ERCC2: variants seen among roughly 807,000 people sequenced by gnomAD.
ERCC2 encodes the protein general transcription and DNA repair factor IIH helicase subunit XPD.
A neutral mutation model predicts 99.4 loss-of-function variants in ERCC2; 90 were observed. The ratio of observed to expected loss-of-function variants is 0.91; its 90% CI spans 0.76 to 1.08. ERCC2 has a LOEUF of 1.08. Among genes scored for constraint, ERCC2 ranks in the 50% least tolerant of loss-of-function variants. The pLI, the probability that ERCC2 is intolerant of heterozygous loss-of-function variation, is 0.00. For synonymous variants in ERCC2, 497 were observed against 432.4 expected (o/e 1.15, Z -1.85); for missense variants, 993 against 1,038.1 (o/e 0.96, Z 0.60).
At position 45,352,873 on chromosome 19, in the gene ERCC2, G is replaced by A. The variant is rs2123226351; in HGVS notation, c.1832-57C>T. 2.6e-5 allele frequency: 40 copies of A among 1,534,010 alleles called. No homozygotes were observed. In the South Asian group the frequency reaches 4.3e-4, roughly 16 times the overall value. On this transcript the variant is annotated intron_variant, in intron 19 of 22. Coordinates refer to ENST00000391945, the MANE Select transcript of ERCC2 (RefSeq NM_000400.4). ...TTACAAGTGTGGCTGGTGGGACAGG[G>A]ACAGCCTCACGCGACCCAGGATGCT...
At position 45,351,511 on chromosome 19, in the gene ERCC2, T is replaced by C; in HGVS notation, c.*118A>G. On this transcript the variant is annotated 3_prime_UTR_variant, in exon 23 of 23. Transcript: ENST00000391945. ...CTCCTGCGATTAAAGGCTGTGGACG[T>C]GACAGTGAGAAATGTCACCTGACTT... 1 of 1,590,694 alleles carries C rather than the reference T, an allele frequency of 6.3e-7. No homozygotes were observed. The highest frequency in any genetic ancestry group is 8.5e-7 in the Non-Finnish European group (1 of 1,172,474).
At position 45,350,711 on chromosome 19, in the gene ERCC2, C is replaced by T. The variant is rs759624982; in HGVS notation, c.*918G>A. On this transcript the variant is annotated 3_prime_UTR_variant, in exon 23 of 23. Transcript: ENST00000391945. ...AGGCGAGGAAGTGAGAAGCTGGTCT[C>T]CCGGCTCCGAGGCGAGGCGGCGGCA... 6.2e-7 allele frequency: 1 copy of T among 1,613,382 alleles called. No homozygotes were observed. Among genetic ancestry groups the T allele is most frequent in the African/African-American group, 1.3e-5 (1 of 74,888 alleles).
Position 45,368,983 on chromosome 19 carries a change from GC to G in ERCC2, c.192del (p.Leu65TrpfsTer3). 2 of 1,614,202 alleles carry G rather than the reference GC, an allele frequency of 1.2e-6. No homozygotes were observed. The highest frequency in any genetic ancestry group is 1.7e-6 in the Non-Finnish European group (2 of 1,180,040). On this transcript the variant is annotated frameshift_variant, in exon 4 of 23. Transcript: ENST00000391945. LOFTEE classifies it high-confidence loss of function. ...CAGTAGATGAGTTTGGTCACCTCCA[GC>G]GGATATGCCTGCCGATAACAAGCGG... ...ALIMAYQRAY[P>X]LEVTKLIYCS...
In ERCC2 at chr19:45,352,580, G is replaced by C. The variant is rs121913021; in HGVS notation, c.1972C>G (p.Arg658Gly). 3 of 1,614,044 alleles carry C rather than the reference G, an allele frequency of 1.9e-6. No individual in the cohort carries two copies. The highest frequency in any genetic ancestry group is 2.5e-6 in the Non-Finnish European group (3 of 1,180,018). ...ENDFLTFDAM[R>G]HAAQCVGRAI... ...CGACCCACACACTGGGCCGCGTGGC[G>C]CATGGCATCGAAGGTAAGAAAGTCA... is the stretch of plus-strand genomic sequence containing the variant. The change falls in exon 21 of 23, where the codon CGC (arginine) becomes GGC (glycine). Residue 658 changes from arginine (R) to glycine (G), a missense_variant. Transcript: ENST00000391945.
rs747646421 is a variant in ERCC2 at position 45,352,573 on chromosome 19, G to A, written c.1979C>T (p.Ala660Val). ...GATGGCCCGACCCACACACTGGGCC[G>A]CGTGGCGCATGGCATCGAAGGTAAG... ...DFLTFDAMRH[A>V]AQCVGRAIRG... Residue 660 changes from alanine to valine, a missense_variant, in exon 21 of 23, where the codon GCG (alanine) becomes GTG (valine). Physicochemically the swap from Ala to Val is moderately conservative, Grantham distance 64 (BLOSUM62 0). Coordinates refer to ENST00000391945, the MANE Select transcript of ERCC2 (RefSeq NM_000400.4). 6.2e-7 allele frequency: 1 copy of A among 1,614,070 alleles called. No individual in the cohort carries two copies. Among genetic ancestry groups the A allele is most frequent in the Non-Finnish European group, 8.5e-7 (1 of 1,180,022 alleles).
rs767265421 is a variant in ERCC2, at chr19:45,354,718, G to A, written c.1665+12C>T. On this transcript the variant is annotated intron_variant, in intron 17 of 22. Transcript: ENST00000391945. ...AGGAGAGCAGGTGCAGGGAGGGGGT[G>A]GCCAGGCGTACCTGCTCATACCAGG... 3.1e-6 allele frequency: 5 copies of A among 1,613,536 alleles called. No homozygotes were observed. Among genetic ancestry groups the A allele is most frequent in the Non-Finnish European group, 3.4e-6 (4 of 1,179,784 alleles).
chr19:45,363,200 C>CA (rs1428306948), intron 11 of ERCC2, among the ~76,000 whole-genome samples: 1 of 152,164 alleles, frequency 6.6e-6, no homozygotes, highest in Non-Finnish European at 1.5e-5. Flanking sequence ...CTGACTCCCC[C>CA]AAAATGCGCC....
chr19:45,361,216 G>A (rs1250377375), intron 12 of ERCC2, among the ~76,000 whole-genome samples: 11 of 151,500 alleles, frequency 7.3e-5, no homozygotes. Context: ...GGAGCACAAA[G>A]ATCAACTCAT....
At chr19:45,368,402 T>C (rs758029920) in intron 5 of ERCC2, among the ~76,000 whole-genome samples, 3 of 152,166 alleles carry the variant, frequency 2.0e-5, no homozygotes, top group Non-Finnish European at 4.4e-5. Flanking sequence ...CTCTAAGAGC[T>C]GCCTTTTTAA....
chr19:45,363,686 G>C (rs998693482), intron 11 of ERCC2, 57 bp downstream of exon 11: 8 of 1,500,264 alleles, frequency 5.3e-6, no homozygotes, highest in Non-Finnish European at 6.2e-6. Flanking sequence ...GGAGGACACG[G>C]CTCTGCATAA....
In ERCC2 at chr19:45,350,493, G is replaced by A. The variant is rs780348684; in HGVS notation, c.*1136C>T. The A allele has an allele frequency of 5.0e-6, 8 of 1,613,306 alleles. No individual in the cohort carries two copies. In the South Asian group the frequency reaches 8.8e-5, roughly 18 times the overall value. On this transcript the variant is annotated 3_prime_UTR_variant, in exon 23 of 23. Transcript: ENST00000391945. ...GGCTTCTCTATGTCCCCATCTCAGT[G>A]TCCCCCATCTTTCCCCCTAGGTGCC...
In ERCC2 at chr19:45,353,235, C is replaced by T. The variant is rs1459234418; in HGVS notation, c.1758+7G>A. On this transcript the variant is annotated splice_region_variant and intron_variant, in intron 18 of 22. Coordinates refer to ENST00000391945, the MANE Select transcript of ERCC2 (RefSeq NM_000400.4). ...GACCCCTCTCCACGCTGGCCTCGCA[C>T]ACCCACCTCCTGGTACTTCTCCAGG... 5 of 1,613,638 alleles carry T rather than the reference C, an allele frequency of 3.1e-6. No homozygotes were observed. Among genetic ancestry groups the T allele is most frequent in the Non-Finnish European group, 4.2e-6 (5 of 1,179,698 alleles).
rs199886532 is a variant in ERCC2, at chr19:45,355,801, GTGC to G, written c.1480-76_1480-74del. ...CAGCGTGAGTGCTGACCACCTGCTGGTGCTGTTCTAAGCTTTTTTTTTTTTTTT... is the reference window on the plus strand; with the variant it reads ...CAGCGTGAGTGCTGACCACCTGCTGGTGTTCTAAGCTTTTTTTTTTTTTTT... On this transcript the variant is annotated intron_variant, in intron 15 of 22. Transcript: ENST00000391945. 1.3e-3 allele frequency: 1,491 copies of G among 1,159,932 alleles called. 11 individuals carry two copies. The African/African-American group carries it at 0.018, about 14-fold the overall frequency. 71.9% of individuals were successfully genotyped at this position (1,159,932 alleles called of 1,614,324 possible). A position where few individuals can be genotyped will look rare whatever the true frequency, so the allele number is the denominator to read the frequency against.
chr19:45,370,290 C>A, intron 1 of ERCC2, 58 bp from the exon 2 acceptor site: 1 of 1,595,534 alleles, frequency 6.3e-7, no homozygotes. Context: ...CCCGCCTCCA[C>A]AGTGCCCGGT....
chr19:45,370,098 G>A (rs762335024), intron 2 of ERCC2, 35 bp downstream of exon 2: 1 of 1,608,748 alleles, frequency 6.2e-7, no homozygotes, highest in Non-Finnish European at 8.5e-7. Context: ...AGCCCCACCG[G>A]TCGAGTGGGC....
Position 45,355,704 on chromosome 19 carries a change from C to T in ERCC2, c.1504G>A (p.Val502Met). 1 of 1,614,196 alleles carries T rather than the reference C, an allele frequency of 6.2e-7. No individual in the cohort carries two copies. Among genetic ancestry groups the T allele is most frequent in the Admixed American group, 1.7e-5 (1 of 60,030 alleles). Residue 502 changes from valine (V) to methionine (M), a missense_variant, in exon 16 of 23, where the codon GTG (valine) becomes ATG (methionine). Val to Met is a conservative substitution (Grantham distance 21). Around this residue, in one of 3 missense-constraint regions of ERCC2, gnomAD observed 909 missense variants for 930.8 expected, o/e 0.98. Transcript: ENST00000391945. The stretch of plus-strand genomic sequence containing the variant: ...GTCTCAAATTTGGAGCTGATGGCCA[C>T]CTGGTCATTGCCACGGCCGATGATC... ...PMIIGRGNDQ[V>M]AISSKFETRE...
intron 15 of ERCC2, among the ~76,000 whole-genome samples, chr19:45,356,288 A>C (rs1367530028): frequency 1.3e-5 from 2 of 152,208 alleles, no homozygotes; most frequent in African/African-American, 2.4e-5. Context: ...CCAAAAGCCA[A>C]AAGCTCTGAA....
chr19:45,352,805 C>A lies in ERCC2; in HGVS notation c.1843G>T (p.Gly615Trp). The A allele has an allele frequency of 6.2e-7, 1 of 1,613,452 alleles. No individual in the cohort carries two copies. Among genetic ancestry groups the A allele is most frequent in the Non-Finnish European group, 8.5e-7 (1 of 1,179,774 alleles). Reference protein sequence around the residue: ...SEGIDFVHHYGRAVIMFGVPY... With the variant: ...SEGIDFVHHYWRAVIMFGVPY... ...ACGCCAAACATGATGACGGCCCGCC[C>A]GTAGTGGTGCACTGGTGGGCAGAGG... Residue 615 changes from glycine (G) to tryptophan (W), a missense_variant, in exon 20 of 23, where the codon GGG (glycine) becomes TGG (tryptophan). Physicochemically the swap from Gly to Trp is radical, Grantham distance 184. Around this residue, in one of 3 missense-constraint regions of ERCC2, gnomAD observed 909 missense variants for 930.8 expected, o/e 0.98. Transcript: ENST00000391945.
In ERCC2 at chr19:45,351,622, G is replaced by T. The variant is rs199702504; in HGVS notation, c.*7C>A. On this transcript the variant is annotated 3_prime_UTR_variant, in exon 23 of 23. Transcript: ENST00000391945. ...CCAGGAACCGTTTATGGCCCCACCC[G>T]CCCCACTCAGAGCTGCTGAGCAATC... The T allele has an allele frequency of 2.5e-6, 4 of 1,613,550 alleles. No homozygotes were observed. The highest frequency in any genetic ancestry group is 3.4e-6 in the Non-Finnish European group (4 of 1,179,762).
Sources: gnomAD v4.1 joint callset for allele counts (sites outside exome capture counted in the v4.1 genomes callset) on GRCh38, gnomAD v4.1.1 for gene constraint, gnomAD v4.1.1 regional missense constraint, MANE v1.5 for transcripts, NCBI Gene and HGNC (gene_info 2026-07-23, HGNC 2026-07-21) for gene names.